ASB10: variants seen among roughly 807,000 people sequenced by gnomAD.
ASB10 encodes the protein ankyrin repeat and SOCS box containing 10, also known as ankyrin repeat and SOCS box protein 10.
Under a neutral mutation model 35.4 loss-of-function variants are expected in ASB10, and 44 were observed. That is an observed-to-expected ratio of 1.24 (90% CI 0.98 to 1.60). The LOEUF is 1.60. Among genes scored for constraint, ASB10 ranks in the 40% most tolerant of loss-of-function variants. The pLI is 0.00. For synonymous variants in ASB10, 294 were observed against 280.4 expected, an observed-to-expected ratio of 1.05 and a Z score of -0.49; for missense variants, 647 against 634.3, an observed-to-expected ratio of 1.02 and a Z score of -0.22.
chr7:151,186,063 A>G (rs1801582170), intron 2 of ASB10, among the ~76,000 whole-genome samples: 1 of 152,130 alleles, frequency 6.6e-6, no homozygotes, highest in African/African-American at 2.4e-5. Context: ...GGAACATAGG[A>G]TAAGCTCAGA....
intron 2 of ASB10, among the ~76,000 whole-genome samples, chr7:151,181,765 A>G (rs1378068031): frequency 6.6e-6 from 1 of 151,394 alleles, no homozygotes; most frequent in Non-Finnish European, 1.5e-5. Context: ...GGCTCCCACC[A>G]CCACGCCCGG....
At position 151,176,170 on chromosome 7, in the gene ASB10, G is replaced by A; in HGVS notation, c.1346C>T (p.Pro449Leu). Residue 449 changes from proline (P) to leucine (L), a missense_variant, in exon 5 of 6, where the codon CCC becomes CTC. Pro to Leu is a moderately conservative substitution (Grantham distance 98). Transcript: ENST00000420175. ...GSLPQALPRLPLPPRLLRYLQ... is the reference protein window; with the variant it reads ...GSLPQALPRLLLPPRLLRYLQ... ...GTAGCGGAGCAGGCGCGGTGGCAGG[G>A]GGAGGCGGGGCAGCGCTTGGGGCAG... 1 of 1,611,702 alleles carries A rather than the reference G, an allele frequency of 6.2e-7. No individual in the cohort carries two copies. The highest frequency in any genetic ancestry group is 8.5e-7 in the Non-Finnish European group (1 of 1,179,766).
chr7:151,176,368 A>G (rs1563564507), intron 4 of ASB10, 71 bp from the exon 5 acceptor site: 2 of 1,498,762 alleles, frequency 1.3e-6, no homozygotes, highest in East Asian at 2.3e-5. Context: ...CTCACAGGGT[A>G]GGCTGGTGAG....
intron 2 of ASB10, among the ~76,000 whole-genome samples, chr7:151,185,620 C>A (rs1035297960): frequency 5.9e-5 from 9 of 152,218 alleles, no homozygotes; most frequent in African/African-American, 2.2e-4. Context: ...TAATTTGGCA[C>A]CTTTCAGAGG....
rs1002864231 is a variant in ASB10 at position 151,180,856 on chromosome 7, A to G, written c.1104+83T>C. ...GAACCAATCTATGTGCACAGGCCAC[A>G]TTCCAAAGCAAACCGGAGCACAGGC... On this transcript the variant is annotated intron_variant, in intron 3 of 5. Transcript: ENST00000420175. The G allele has an allele frequency of 6.3e-6, 9 of 1,422,382 alleles. No homozygotes were observed. In the Admixed American group the frequency reaches 1.4e-4, roughly 23 times the overall value. The allele number at this position is 1,422,382 out of a possible 1,614,324, so 88.1% of individuals were successfully genotyped here.
At position 151,185,689 on chromosome 7, in the gene ASB10, A is replaced by C. The variant is rs78142298; in HGVS notation, c.584+703T>G. 0.012 allele frequency among the ~76,000 whole-genome samples: 1,888 copies of C among 152,316 alleles called. 189 individuals are homozygous for C. The East Asian group carries it at 0.27, about 22-fold the overall frequency. On this transcript the variant is annotated intron_variant, in intron 2 of 5. Transcript: ENST00000420175. Reference sequence around the variant, plus strand: ...GAGAGAGGGCCTCTATAGGATGTAGAGTTAGTTCACAAAATTGTAATTGGG... The same window carrying C: ...GAGAGAGGGCCTCTATAGGATGTAGCGTTAGTTCACAAAATTGTAATTGGG...
upstream of ASB10, chr7:151,187,381 C>A (rs1367912047): frequency 6.5e-7 from 1 of 1,548,062 alleles, no homozygotes; most frequent in Admixed American, 2.0e-5. The surrounding 1 kb of genome is among the most constrained non-coding windows in gnomAD (Gnocchi z 5.3). Context: ...TCACTCAAGC[C>A]CTTAGGACCT....
rs757142652 is a variant in ASB10 at position 151,176,217 on chromosome 7, G to C, written c.1299C>G (p.Leu433=). Residue 433 remains leucine, a synonymous_variant, in exon 5 of 6, where the codon CTC becomes CTG. Coordinates refer to ENST00000420175, the MANE Select transcript of ASB10 (RefSeq NM_001142459.2). The part of the protein sequence containing the change: ...RSLQHLSRCA[L]RSHLEGSLPQ... ...GCAGGCTGCCCTCCAGGTGGGAGCGGAGCGCACAGCGGCTCAAATGCTGCA... is the reference window on the plus strand; with the variant it reads ...GCAGGCTGCCCTCCAGGTGGGAGCGCAGCGCACAGCGGCTCAAATGCTGCA... 1 of 1,607,814 alleles carries C rather than the reference G, an allele frequency of 6.2e-7. No homozygotes were observed. Among genetic ancestry groups the C allele is most frequent in the East Asian group, 2.2e-5 (1 of 44,816 alleles).
chr7:151,177,491 T>C (rs1801410074), intron 3 of ASB10, among the ~76,000 whole-genome samples: 1 of 152,070 alleles, frequency 6.6e-6, no homozygotes, highest in Non-Finnish European at 1.5e-5. Context: ...GGTTTTCTGC[T>C]GGCTGGAAGG....
At chr7:151,183,695 C>A (rs1288702244) in intron 2 of ASB10, among the ~76,000 whole-genome samples, 4 of 152,222 alleles carry the variant, frequency 2.6e-5, no homozygotes, top group Non-Finnish European at 4.4e-5. Flanking sequence ...AAGGGATTCT[C>A]CTGCCTCAGC....
upstream of ASB10, chr7:151,187,556 G>C: frequency 1.3e-6 from 2 of 1,551,550 alleles, no homozygotes. The surrounding 1 kb of genome is among the most constrained non-coding windows in gnomAD (Gnocchi z 5.3). Flanking sequence ...CAGGTCCCCG[G>C]TGTAGAGGGC....
chr7:151,184,507 C>T (rs951639090), intron 2 of ASB10, among the ~76,000 whole-genome samples: 1 of 152,110 alleles, frequency 6.6e-6, no homozygotes, highest in African/African-American at 2.4e-5. Flanking sequence ...GGACAAATAC[C>T]ACATGATTCC....
At chr7:151,187,645 GAT>G, upstream of ASB10, 1 of 1,533,356 alleles carries the variant, frequency 6.5e-7, no homozygotes, top group Non-Finnish European at 8.8e-7. The surrounding 1 kb of genome is among the most constrained non-coding windows in gnomAD (Gnocchi z 5.3). Context: ...GGGGCCTCCA[GAT>G]CCGGCAGGCC....
intron 2 of ASB10, among the ~76,000 whole-genome samples, chr7:151,183,838 G>A (rs1034788082): frequency 1.8e-4 from 28 of 151,990 alleles, no homozygotes; most frequent in African/African-American, 6.3e-4. Flanking sequence ...CACCCGGCTC[G>A]GCCTCCCAAA....
At chr7:151,177,676 A>C (rs1211963428) in intron 3 of ASB10, among the ~76,000 whole-genome samples, 1 of 152,160 alleles carries the variant, frequency 6.6e-6, no homozygotes, top group Non-Finnish European at 1.5e-5. Flanking sequence ...CAGAGCCTGG[A>C]GGGTATTCAG....
chr7:151,184,790 A>T (rs1801556298), intron 2 of ASB10, among the ~76,000 whole-genome samples: 1 of 152,114 alleles, frequency 6.6e-6, no homozygotes, highest in South Asian at 2.1e-4. Flanking sequence ...TGGGAGGCCG[A>T]GGCGGGCAGA....
rs760615928 is a variant in ASB10 at position 151,187,117 on chromosome 7, C to T, written c.14G>A (p.Trp5Ter). The part of the protein sequence containing the change: MLMS[W>*]SPEECKGQGE... Reference sequence around the variant, plus strand: ...CTGCCCCTTGCACTCTTCTGGAGACCAACTCATGAGCATGTGGGCAGGGAA... The same window carrying T: ...CTGCCCCTTGCACTCTTCTGGAGACTAACTCATGAGCATGTGGGCAGGGAA... Residue 5 changes from tryptophan (W) to a stop codon, truncating the protein, a stop_gained, in exon 1 of 6, where the codon TGG becomes TAG. Transcript: ENST00000420175. LOFTEE classifies it high-confidence loss of function. This position sits in a 1 kb window ranked among gnomAD's most constrained non-coding sequence, Gnocchi z 5.3. 8.8e-6 allele frequency: 14 copies of T among 1,590,320 alleles called. No individual in the cohort carries two copies.
intron 3 of ASB10, among the ~76,000 whole-genome samples, chr7:151,179,782 G>A (rs1033882912): frequency 5.3e-5 from 8 of 152,204 alleles, no homozygotes; most frequent in South Asian, 2.1e-4. Context: ...TCGCTGCGCC[G>A]GGCCCTCCTC....
Position 151,175,914 on chromosome 7 carries a change from C to T in ASB10, c.*53G>A, listed in dbSNP as rs1696905968. On this transcript the variant is annotated 3_prime_UTR_variant, in exon 6 of 6. Coordinates refer to ENST00000420175, the MANE Select transcript of ASB10 (RefSeq NM_001142459.2). Reference sequence around the variant, plus strand: ...GGCCTGAGTTAGTGCAGAGGCGCGCCCTCTGCAGGCTGGGGCATCTGCTTT... The same window carrying T: ...GGCCTGAGTTAGTGCAGAGGCGCGCTCTCTGCAGGCTGGGGCATCTGCTTT... The T allele has an allele frequency of 1.5e-6, 1 of 677,962 alleles. No individual in the cohort carries two copies. Among genetic ancestry groups the T allele is most frequent in the East Asian group, 3.1e-5 (1 of 32,244 alleles). The allele number at this position is 677,962 out of a possible 1,614,324, so 42.0% of individuals were successfully genotyped here.
Sources: gnomAD v4.1 joint callset for allele counts (sites outside exome capture counted in the v4.1 genomes callset) on GRCh38, gnomAD v4.1.1 for gene constraint, Gnocchi (gnomAD v3.1) non-coding constraint, MANE v1.5 for transcripts, NCBI Gene and HGNC (gene_info 2026-07-23, HGNC 2026-07-21) for gene names.